The following PARVB variants were observed in gnomAD, a reference collection of about 807,000 sequenced individuals.
The protein encoded by PARVB is parvin beta.
PARVB carries 46 observed loss-of-function variants against 47.0 expected under a neutral mutation model. The ratio of observed to expected loss-of-function variants is 0.98; its 90% CI spans 0.77 to 1.25. PARVB has a LOEUF of 1.25. Ranked by LOEUF, PARVB falls within the 50% of genes most tolerant of loss-of-function variation. The probability of loss-of-function intolerance (pLI) is 0.00; values close to 1 mark genes in which losing one functional copy is unlikely to be tolerated. For synonymous variants in PARVB, 196 were observed against 196.3 expected, an observed-to-expected ratio of 1.00 and a Z score of 0.01; for missense variants, 473 against 471.6, an observed-to-expected ratio of 1.00 and a Z score of -0.03.
At chr22:44,030,699 G>T (rs2050810823) in intron 1 of PARVB, among the ~76,000 whole-genome samples, 1 of 152,158 alleles carries the variant, frequency 6.6e-6, no homozygotes, top group Non-Finnish European at 1.5e-5. Flanking sequence ...TTTCTAGCGG[G>T]CTGCAGCCCC....
chr22:44,116,275 G>A (rs1035071511), intron 3 of PARVB: 5 of 152,290 alleles, frequency 3.3e-5, no homozygotes, highest in African/African-American at 7.2e-5. Flanking sequence ...AGTCTGTGAG[G>A]TCAAGTGCCA....
intron 10 of PARVB, among the ~76,000 whole-genome samples, chr22:44,156,112 G>A (rs758551016): frequency 3.7e-4 from 56 of 151,868 alleles, no homozygotes; most frequent in Admixed American, 1.2e-3. Flanking sequence ...GTTGCAGTGA[G>A]CCGAGATCGC....
intron 3 of PARVB, chr22:44,105,857 A>G (rs572548359): frequency 2.0e-5 from 3 of 152,356 alleles, no homozygotes; most frequent in South Asian, 4.1e-4. Flanking sequence ...GTCTTACTCT[A>G]TCACTCTATC....
chr22:44,024,420 C>A lies in PARVB; in HGVS notation c.81C>A (p.Gly27=). 1 of 1,242,544 alleles carries A rather than the reference C, an allele frequency of 8.0e-7. No individual in the cohort carries two copies. The highest frequency in any genetic ancestry group is 1.0e-6 in the Non-Finnish European group (1 of 980,996). The allele number at this position is 1,242,544 out of a possible 1,614,324, so 77.0% of individuals were successfully genotyped here. A position where few individuals can be genotyped will look rare whatever the true frequency, so the allele number is the denominator to read the frequency against. Residue 27 remains glycine (G), a synonymous_variant, in exon 1 of 13, where the codon GGC becomes GGA. Coordinates refer to ENST00000338758, the MANE Select transcript of PARVB (RefSeq NM_013327.5). Reference sequence around the variant, plus strand: ...AGTCGTTCCTGGGCAAGCTGGGCGGCACCCTGGCCAGGAAGCGGAGGGCGC... The same window carrying A: ...AGTCGTTCCTGGGCAAGCTGGGCGGAACCCTGGCCAGGAAGCGGAGGGCGC... The part of the protein sequence containing the change: ...KDESFLGKLG[G]TLARKRRARE...
intron 2 of PARVB, among the ~76,000 whole-genome samples, chr22:44,098,035 T>C (rs1181112903): frequency 2.0e-5 from 3 of 152,172 alleles, no homozygotes. Flanking sequence ...GCGAGTTCCC[T>C]GTGGGGGCCA....
intron 2 of PARVB, chr22:43,999,706 G>A (rs1328019563): frequency 2.8e-5 from 42 of 1,523,936 alleles, no homozygotes; most frequent in Admixed American, 6.7e-5. Flanking sequence ...TCAGAAAGTG[G>A]ATGAGGGCTG....
intron 1 of PARVB, among the ~76,000 whole-genome samples, chr22:44,032,263 C>T (rs939325281): frequency 3.9e-5 from 6 of 152,156 alleles, no homozygotes; most frequent in Non-Finnish European, 8.8e-5. Flanking sequence ...GCAGTTTTGG[C>T]CTCGTCCAGT....
chr22:44,023,630 G>C (rs1390774552), upstream of PARVB, among the ~76,000 whole-genome samples: 2 of 151,916 alleles, frequency 1.3e-5, no homozygotes, highest in African/African-American at 2.4e-5. Context: ...GCAGTCCTCG[G>C]GATGAAGCCG....
intron 2 of PARVB, among the ~76,000 whole-genome samples, chr22:44,014,379 G>T (rs2050555557): frequency 2.0e-5 from 3 of 152,178 alleles, no homozygotes; most frequent in Non-Finnish European, 4.4e-5. Context: ...CAGTTCAAAA[G>T]CAAACCAAAT....
chr22:44,033,670 G>A (rs895533630), intron 1 of PARVB, among the ~76,000 whole-genome samples: 2 of 152,170 alleles, frequency 1.3e-5, no homozygotes, highest in African/African-American at 2.4e-5. Flanking sequence ...CCCAAGCAAC[G>A]CCATCTTAGG....
intron 1 of PARVB, among the ~76,000 whole-genome samples, chr22:44,063,208 A>G (rs938055401): frequency 2.6e-5 from 4 of 151,732 alleles, no homozygotes; most frequent in Non-Finnish European, 4.4e-5. Context: ...GGCAGAGACC[A>G]ATATGAATAT....
upstream of PARVB, among the ~76,000 whole-genome samples, chr22:44,023,971 C>T (rs1375436612): frequency 6.6e-6 from 1 of 152,250 alleles, no homozygotes; most frequent in African/African-American, 2.4e-5. Context: ...ACCTGATTCT[C>T]TCCGGCTTTC....
chr22:44,131,565 T>A lies in PARVB; in HGVS notation c.455T>A (p.Val152Glu). ...GGGCAGAAACAGAAGCTGCAGACGGTGCTGGAAGCAGTACATGACCTGCTG... is the reference window on the plus strand; with the variant it reads ...GGGCAGAAACAGAAGCTGCAGACGGAGCTGGAAGCAGTACATGACCTGCTG... ...EIGQKQKLQT[V>E]LEAVHDLLRP... Residue 152 changes from valine to glutamate, a missense_variant, in exon 5 of 13, where the codon GTG (valine) becomes GAG (glutamate). Physicochemically the swap from Val to Glu is moderately radical, Grantham distance 121. Coordinates refer to ENST00000338758, the MANE Select transcript of PARVB (RefSeq NM_013327.5). The A allele has an allele frequency of 2.5e-6, 4 of 1,614,142 alleles. No homozygotes were observed. The South Asian group carries it at 3.3e-5, about 13-fold the overall frequency.
rs1340076945 is a variant in PARVB, at chr22:44,147,877, C to G, written c.729C>G (p.Asp243Glu). ...MMGRFERDAF[D>E]TLFDHAPDKL... is the part of the protein sequence containing the mutation. The stretch of plus-strand genomic sequence containing the variant: ...TGTCCTCAGAGCGGGATGCCTTCGA[C>G]ACGCTGTTCGACCACGCCCCGGATA... Residue 243 changes from aspartate to glutamate, a missense_variant, in exon 9 of 13, where the codon GAC becomes GAG. Transcript: ENST00000338758. 4 of 1,613,986 alleles carry G rather than the reference C, an allele frequency of 2.5e-6. No individual in the cohort carries two copies. In the Admixed American group the frequency reaches 6.7e-5, roughly 27 times the overall value.
chr22:44,094,198 G>A (rs921969228), intron 2 of PARVB, among the ~76,000 whole-genome samples, 181 bp downstream of exon 2: 1 of 152,222 alleles, frequency 6.6e-6, no homozygotes, highest in Non-Finnish European at 1.5e-5. Flanking sequence ...GGAAAAGCAA[G>A]TCCTTCATTA....
intron 8 of PARVB, chr22:44,143,301 T>C (rs561166546): frequency 6.6e-6 from 1 of 152,506 alleles, no homozygotes; most frequent in Non-Finnish European, 1.5e-5. Context: ...AGCTTGCACG[T>C]GTCTGGCAGA....
At chr22:44,033,106 T>C (rs1270631294) in intron 1 of PARVB, among the ~76,000 whole-genome samples, 1 of 152,240 alleles carries the variant, frequency 6.6e-6, no homozygotes, top group African/African-American at 2.4e-5. Context: ...GTTTTTTTCT[T>C]GAGACAGAGT....
In PARVB at chr22:44,147,654, C is replaced by G. The variant is rs1232916022; in HGVS notation, c.713-207C>G. The G allele has an allele frequency of 5.4e-6, 4 of 741,156 alleles. No homozygotes were observed. In the African/African-American group the frequency reaches 6.8e-5, roughly 13 times the overall value. 45.9% of individuals were successfully genotyped at this position (741,156 alleles called of 1,614,324 possible). A position where few individuals can be genotyped will look rare whatever the true frequency, so the allele number is the denominator to read the frequency against. On this transcript the variant is annotated intron_variant, in intron 8 of 12. Transcript: ENST00000338758. ...TCTAGTCCACGCTGTTCTGGTTGTT[C>G]CCAAGCGCTCTTGCTCGCCTTGGTT...
chr22:44,005,381 G>T (rs1183509801), intron 2 of PARVB, among the ~76,000 whole-genome samples: 1 of 149,342 alleles, frequency 6.7e-6, no homozygotes, highest in African/African-American at 2.5e-5. Flanking sequence ...CCAAAGTGCT[G>T]AGATTACATG....
Sources: allele counts gnomAD v4.1 joint callset (sites outside exome capture counted in the v4.1 genomes callset), GRCh38; gene constraint gnomAD v4.1.1; transcripts MANE v1.5; gene names NCBI Gene and HGNC (gene_info 2026-07-23, HGNC 2026-07-21).